The following GLDC variants were observed in gnomAD, a reference collection of about 807,000 sequenced individuals.
GLDC encodes the protein glycine decarboxylase.
GLDC carries 104 observed loss-of-function variants against 121.3 expected under a neutral mutation model. The observed-to-expected ratio is 0.86, with a 90% CI of 0.73 to 1.01. The LOEUF (loss-of-function observed/expected upper bound fraction) is 1.01. GLDC is among the 50% of genes least tolerant of loss of function. GLDC has a pLI of 0.00. For synonymous variants in GLDC, 546 were observed against 480.6 expected (o/e 1.14, Z -1.78); for missense variants, 1,429 against 1,306.6 (o/e 1.09, Z -1.44).
At chr9:6,548,549 C>T (rs192848806) in intron 21 of GLDC, among the ~76,000 whole-genome samples, 2 of 152,272 alleles carry the variant, frequency 1.3e-5, no homozygotes, top group East Asian at 3.9e-4. Flanking sequence ...AACTGTGGAA[C>T]CACCCCTTTG....
intron 15 of GLDC, among the ~76,000 whole-genome samples, chr9:6,573,376 G>A (rs1311161387): frequency 6.6e-6 from 1 of 152,146 alleles, no homozygotes; most frequent in Non-Finnish European, 1.5e-5. Flanking sequence ...CACAAGAATC[G>A]CTTGAGCCCG....
At chr9:6,554,177 A>C (rs1437442892) in intron 19 of GLDC, among the ~76,000 whole-genome samples, 1 of 152,204 alleles carries the variant, frequency 6.6e-6, no homozygotes, top group Non-Finnish European at 1.5e-5. Context: ...ATATTCCTTC[A>C]GTCCTACTCT....
intron 11 of GLDC, among the ~76,000 whole-genome samples, chr9:6,591,011 C>T (rs147430735): frequency 0.011 from 1,724 of 152,324 alleles, 17 homozygotes; most frequent in Non-Finnish European, 0.017. Context: ...CAAATATTTA[C>T]TTAGTGATTA....
intron 2 of GLDC, chr9:6,622,718 A>G (rs943101792): frequency 5.2e-6 from 1 of 191,068 alleles, no homozygotes; most frequent in Non-Finnish European, 1.1e-5. Flanking sequence ...CTGGGATGTG[A>G]GGAGCCCCTC....
At chr9:6,625,417 T>C (rs185610205) in intron 2 of GLDC, among the ~76,000 whole-genome samples, 13 of 152,272 alleles carry the variant, frequency 8.5e-5, no homozygotes, top group Admixed American at 5.9e-4. Flanking sequence ...ATTATAGTAG[T>C]TGAAATAATT....
chr9:6,576,118 C>T (rs549402155), intron 15 of GLDC, among the ~76,000 whole-genome samples: 14 of 152,272 alleles, frequency 9.2e-5, no homozygotes, highest in African/African-American at 3.1e-4. Flanking sequence ...GTTATCTTGA[C>T]AAAATTTATG....
At position 6,629,929 on chromosome 9, in the gene GLDC, C is replaced by CTATATATATATATATGTGTATATATA. The variant is rs1819327146; in HGVS notation, c.335-9611_335-9610insTATATATACACATATATATATATATA. Reference sequence around the variant, plus strand: ...ATGTGGGAGGGAGGCTTGCTTTTCACTATATATATATATATGTATATATAT... The same window carrying CTATATATATATATATGTGTATATATA: ...ATGTGGGAGGGAGGCTTGCTTTTCACTATATATATATATATGTGTATATATATATATATATATATATGTATATATAT... On this transcript the variant is annotated intron_variant, in intron 2 of 24. Coordinates refer to ENST00000321612, the MANE Select transcript of GLDC (RefSeq NM_000170.3). Among the ~76,000 whole-genome samples, 31 of 102,134 alleles carry CTATATATATATATATGTGTATATATA rather than the reference C, an allele frequency of 3.0e-4. 1 individual carries two copies. The East Asian group carries it at 4.3e-3, about 14-fold the overall frequency. The allele number at this position is 102,134 out of a possible 152,430, so 67.0% of individuals were successfully genotyped here.
intron 2 of GLDC, among the ~76,000 whole-genome samples, chr9:6,637,359 C>G (rs561362931): frequency 6.6e-6 from 1 of 150,800 alleles, no homozygotes; most frequent in Non-Finnish European, 1.5e-5. Flanking sequence ...GAGCTGAGAT[C>G]GAGCCATTGC....
At chr9:6,588,578 G>A (rs1279904891) in intron 13 of GLDC, 40 bp downstream of exon 13, 1 of 1,506,966 alleles carries the variant, frequency 6.6e-7, no homozygotes, top group Admixed American at 1.7e-5. Flanking sequence ...CGTGGGATTG[G>A]GGTAGCTTGG....
chr9:6,631,915 A>C (rs753309060), intron 2 of GLDC, among the ~76,000 whole-genome samples: 4 of 152,178 alleles, frequency 2.6e-5, no homozygotes, highest in Non-Finnish European at 4.4e-5. Context: ...AAAATGAAAT[A>C]AATTAGTCCA....
chr9:6,611,394 A>C (rs1204416918), intron 3 of GLDC, among the ~76,000 whole-genome samples: 2 of 151,792 alleles, frequency 1.3e-5, no homozygotes, highest in African/African-American at 2.4e-5. Context: ...GTCTCTACTA[A>C]AAATACAAAC....
At chr9:6,546,358 ATTTTTTCTTTTT>A in intron 21 of GLDC, among the ~76,000 whole-genome samples, 1 of 144,006 alleles carries the variant, frequency 6.9e-6, no homozygotes, top group Non-Finnish European at 1.5e-5. Context: ...ATGGTGGTTA[ATTTTTTCTTTTT>A]TTTTTTTTTT....
intron 2 of GLDC, among the ~76,000 whole-genome samples, chr9:6,629,143 A>C (rs1268470977): frequency 6.6e-6 from 1 of 152,004 alleles, no homozygotes; most frequent in Non-Finnish European, 1.5e-5. Context: ...CGCCTAAAAT[A>C]GCAACAGTTT....
intron 15 of GLDC, among the ~76,000 whole-genome samples, chr9:6,574,487 G>GA (rs1026128879): frequency 6.7e-5 from 10 of 148,582 alleles, no homozygotes; most frequent in South Asian, 2.1e-4. Flanking sequence ...ACAAAGAAAA[G>GA]AAAAAAAAAG....
intron 15 of GLDC, among the ~76,000 whole-genome samples, chr9:6,586,484 GA>G (rs1489017818): frequency 1.3e-5 from 2 of 152,124 alleles, no homozygotes; most frequent in African/African-American, 4.8e-5. Context: ...CAAAGAAATT[GA>G]GGCTGGAAGA....
At chr9:6,631,099 A>G (rs1260460) in intron 2 of GLDC, among the ~76,000 whole-genome samples, 94,692 of 152,166 alleles carry the variant, frequency 0.62, 31,484 homozygotes, top group African/African-American at 0.86. Flanking sequence ...GTGTAAGGAT[A>G]TGGTCAGGGC....
intron 8 of GLDC, among the ~76,000 whole-genome samples, chr9:6,596,605 A>G (rs1262500631): frequency 6.6e-6 from 1 of 152,158 alleles, no homozygotes; most frequent in Non-Finnish European, 1.5e-5. Context: ...ACAATAATAC[A>G]ATTAAGGTAC....
intron 15 of GLDC, among the ~76,000 whole-genome samples, chr9:6,573,957 A>G (rs566518314): frequency 2.6e-5 from 4 of 152,344 alleles, no homozygotes; most frequent in Non-Finnish European, 4.4e-5. Flanking sequence ...TGCATGTCTC[A>G]AGTACCCTAA....
chr9:6,557,808 C>T (rs1278588150), intron 17 of GLDC: 1 of 152,926 alleles, frequency 6.5e-6, no homozygotes, highest in Non-Finnish European at 1.5e-5. Flanking sequence ...AAGTCATGTC[C>T]TATATTACTA....
Sources: allele counts gnomAD v4.1 joint callset (sites outside exome capture counted in the v4.1 genomes callset), GRCh38; gene constraint gnomAD v4.1.1; transcripts MANE v1.5; gene names NCBI Gene and HGNC (gene_info 2026-07-23, HGNC 2026-07-21).